The following EPB41L4A variants were observed in gnomAD, a reference collection of about 807,000 sequenced individuals.
The protein encoded by EPB41L4A is band 4.1-like protein 4A.
A neutral mutation model predicts 108.6 loss-of-function variants in EPB41L4A; 100 were observed. The observed-to-expected ratio is 0.92, with a 90% CI of 0.78 to 1.09. The LOEUF (loss-of-function observed/expected upper bound fraction) is 1.09. Among genes scored for constraint, EPB41L4A ranks in the 50% least tolerant of loss-of-function variants. The pLI, the probability that EPB41L4A is intolerant of heterozygous loss-of-function variation, is 0.00. For missense variants in EPB41L4A, 1,030 were observed against 842.7 expected (o/e 1.22, Z -2.75); for synonymous variants, 319 against 289.0 (o/e 1.10, Z -1.05).
At chr5:112,208,592 A>G (rs1222102568) in intron 13 of EPB41L4A, among the ~76,000 whole-genome samples, 1 of 152,140 alleles carries the variant, frequency 6.6e-6, no homozygotes, top group Non-Finnish European at 1.5e-5. Context: ...GAGAGGGGGC[A>G]AGGGTTGAAA....
chr5:112,390,786 C>T (rs756729853), intron 1 of EPB41L4A, among the ~76,000 whole-genome samples: 8 of 152,186 alleles, frequency 5.3e-5, no homozygotes, highest in Non-Finnish European at 1.0e-4. Flanking sequence ...CTGGGAGACA[C>T]CTCCCAGTAG....
At chr5:112,359,651 C>T (rs1758589165) in intron 1 of EPB41L4A, among the ~76,000 whole-genome samples, 2 of 152,086 alleles carry the variant, frequency 1.3e-5, no homozygotes, top group South Asian at 4.1e-4. Flanking sequence ...CACCATTCTC[C>T]TGCCTCAGCC....
intron 17 of EPB41L4A, among the ~76,000 whole-genome samples, chr5:112,190,114 C>T (rs535288774): frequency 7.8e-4 from 119 of 152,264 alleles, no homozygotes; most frequent in African/African-American, 2.8e-3. Context: ...TTTATAGTGC[C>T]TTGTACTAGG....
chr5:112,314,492 A>C (rs1755279471), intron 1 of EPB41L4A, among the ~76,000 whole-genome samples: 1 of 132,770 alleles, frequency 7.5e-6, no homozygotes, highest in Non-Finnish European at 1.6e-5. Context: ...ACAATGTGAA[A>C]CCCCATCGCT....
At chr5:112,240,696 A>G (rs1028615687) in intron 10 of EPB41L4A, 23 bp downstream of exon 10, 2 of 1,386,558 alleles carry the variant, frequency 1.4e-6, no homozygotes, top group Non-Finnish European at 2.0e-6. Context: ...AAGACAACAA[A>G]CAAAATTTTT....
intron 17 of EPB41L4A, among the ~76,000 whole-genome samples, chr5:112,187,895 A>T (rs936402848): frequency 6.6e-6 from 1 of 152,178 alleles, no homozygotes; most frequent in African/African-American, 2.4e-5. Context: ...CTCCATTCCC[A>T]GCTCTGCCAT....
intron 1 of EPB41L4A, among the ~76,000 whole-genome samples, chr5:112,405,659 G>A (rs1762034541): frequency 6.6e-6 from 1 of 152,094 alleles, no homozygotes; most frequent in African/African-American, 2.4e-5. Context: ...CCAGCCACGA[G>A]GGTTTCAGAT....
In EPB41L4A at chr5:112,195,658, T is replaced by C. The variant is rs754625424; in HGVS notation, c.1424+3A>G. On this transcript the variant is annotated splice_donor_region_variant and intron_variant, in intron 16 of 22. Coordinates refer to ENST00000261486, the MANE Select transcript of EPB41L4A (RefSeq NM_022140.5). ...GACTGTCCTTCCATTTTTGTTTTTT[T>C]ACCTCCTCCTTTGCTTAAGATCTGA... The C allele has an allele frequency of 1.3e-5, 21 of 1,613,228 alleles. No individual in the cohort carries two copies. The highest frequency in any genetic ancestry group is 4.5e-5 in the East Asian group (2 of 44,864).
chr5:112,176,740 CA>C (rs1760884297), intron 18 of EPB41L4A, among the ~76,000 whole-genome samples: 3 of 138,662 alleles, frequency 2.2e-5, no homozygotes. Context: ...CCCACCAGAG[CA>C]ACTTTTTTTT....
intron 1 of EPB41L4A, among the ~76,000 whole-genome samples, chr5:112,365,283 C>A (rs563787898): frequency 1.3e-5 from 2 of 152,258 alleles, no homozygotes; most frequent in East Asian, 3.9e-4. Context: ...ATACTACAGC[C>A]TCAAACTCCT....
intron 7 of EPB41L4A, among the ~76,000 whole-genome samples, chr5:112,260,518 C>T (rs992088086): frequency 6.6e-6 from 1 of 152,130 alleles, no homozygotes; most frequent in Non-Finnish European, 1.5e-5. Context: ...CACTGCATCC[C>T]CACCCCAACT....
intron 9 of EPB41L4A, among the ~76,000 whole-genome samples, chr5:112,243,509 G>C (rs1749973445): frequency 6.6e-6 from 1 of 152,062 alleles, no homozygotes; most frequent in Non-Finnish European, 1.5e-5. Context: ...CTTTAATGCA[G>C]GCATTGACTT....
chr5:112,334,059 C>G (rs62365194), intron 1 of EPB41L4A, among the ~76,000 whole-genome samples: 11,956 of 152,210 alleles, frequency 0.079, 581 homozygotes, highest in African/African-American at 0.11. Flanking sequence ...GGCAGTCAGA[C>G]AGTCAGATGT....
chr5:112,413,203 C>T (rs1428117243), intron 1 of EPB41L4A, among the ~76,000 whole-genome samples: 1 of 152,154 alleles, frequency 6.6e-6, no homozygotes, highest in East Asian at 1.9e-4. Flanking sequence ...AGATTTGGTA[C>T]TTACAAAATA....
intron 1 of EPB41L4A, among the ~76,000 whole-genome samples, chr5:112,397,644 TTTTC>T (rs1481837240): frequency 2.6e-5 from 4 of 152,352 alleles, no homozygotes; most frequent in South Asian, 2.1e-4. Context: ...AAACTTTACA[TTTTC>T]TTTGTCAATT....
chr5:112,208,788 G>A (rs1385575560), intron 13 of EPB41L4A, among the ~76,000 whole-genome samples: 5 of 152,312 alleles, frequency 3.3e-5, no homozygotes, highest in East Asian at 1.9e-4. Flanking sequence ...CTAAAAAAGC[G>A]TGGGATCTGA....
intron 1 of EPB41L4A, among the ~76,000 whole-genome samples, chr5:112,315,330 T>C (rs1755361417): frequency 6.6e-6 from 1 of 152,228 alleles, no homozygotes; most frequent in Admixed American, 6.5e-5. Flanking sequence ...TGTTTAGACA[T>C]TTGGAAAGCA....
intron 18 of EPB41L4A, among the ~76,000 whole-genome samples, chr5:112,174,653 T>C (rs1246081104): frequency 6.6e-6 from 1 of 152,164 alleles, no homozygotes; most frequent in Non-Finnish European, 1.5e-5. Flanking sequence ...TCATTTTAAA[T>C]ATCCCCCAAA....
At chr5:112,404,219 C>A (rs1249008347) in intron 1 of EPB41L4A, among the ~76,000 whole-genome samples, 1 of 152,200 alleles carries the variant, frequency 6.6e-6, no homozygotes, top group Non-Finnish European at 1.5e-5. Flanking sequence ...ATAATGGCAG[C>A]TAACACACAT....
Sources: gnomAD v4.1 joint callset for allele counts (sites outside exome capture counted in the v4.1 genomes callset) on GRCh38, gnomAD v4.1.1 for gene constraint, MANE v1.5 for transcripts, NCBI Gene and HGNC (gene_info 2026-07-23, HGNC 2026-07-21) for gene names.